Variants in FAM78B observed in about 807,000 individuals in gnomAD.
FAM78B encodes the protein family with sequence similarity 78 member B.
Under a neutral mutation model 20.0 loss-of-function variants are expected in FAM78B, and 10 were observed. That is an observed-to-expected ratio of 0.50 (90% CI 0.31 to 0.85). FAM78B has a LOEUF of 0.85. Ranked by LOEUF, FAM78B falls within the 40% of genes least tolerant of loss-of-function variation. FAM78B has a pLI of 0.05. For missense variants in FAM78B, 283 were observed against 345.0 expected (o/e 0.82, Z 1.42); for synonymous variants, 135 against 132.8 (o/e 1.02, Z -0.12).
chr1:166,077,784 AATAC>A (rs1652346787), intron 1 of FAM78B, among the ~76,000 whole-genome samples: 1 of 133,536 alleles, frequency 7.5e-6, no homozygotes, highest in African/African-American at 3.0e-5. Flanking sequence ...ATATATAATA[AATAC>A]ATATAATTAT....
At chr1:166,148,707 T>G (rs1571205245) in intron 1 of FAM78B, among the ~76,000 whole-genome samples, 1 of 152,206 alleles carries the variant, frequency 6.6e-6, no homozygotes. Flanking sequence ...GTGCTGTCAC[T>G]TTGAGCCAGG....
intron 1 of FAM78B, among the ~76,000 whole-genome samples, chr1:166,081,662 C>T (rs1652584530): frequency 6.6e-6 from 1 of 152,186 alleles, no homozygotes; most frequent in South Asian, 2.1e-4. Context: ...TCCCGAAGGT[C>T]ACAGCCCACC....
At chr1:166,126,508 A>G (rs1654648330) in intron 1 of FAM78B, among the ~76,000 whole-genome samples, 2 of 152,166 alleles carry the variant, frequency 1.3e-5, no homozygotes, top group South Asian at 2.1e-4. Flanking sequence ...TGAGAAGACG[A>G]TAACTGAGCA....
At chr1:166,074,677 C>T (rs1216908572) in intron 1 of FAM78B, among the ~76,000 whole-genome samples, 1 of 152,176 alleles carries the variant, frequency 6.6e-6, no homozygotes, top group Non-Finnish European at 1.5e-5. Context: ...AAAAATCTAA[C>T]ATCTATTCAT....
downstream of FAM78B, among the ~76,000 whole-genome samples, chr1:166,066,474 A>T (rs571110142): frequency 2.6e-5 from 4 of 152,174 alleles, no homozygotes; most frequent in Non-Finnish European, 5.9e-5. Flanking sequence ...GATGAACAGG[A>T]GAGGCAGAAC....
At chr1:166,120,341 T>G (rs2101767755) in intron 1 of FAM78B, among the ~76,000 whole-genome samples, 1 of 152,336 alleles carries the variant, frequency 6.6e-6, no homozygotes, top group Non-Finnish European at 1.5e-5. Context: ...TGTGCCTGTG[T>G]GCTTTCCATC....
intron 1 of FAM78B, among the ~76,000 whole-genome samples, chr1:166,101,064 T>G (rs1051907605): frequency 2.6e-5 from 4 of 152,234 alleles, no homozygotes; most frequent in Admixed American, 1.3e-4. Context: ...CCTCCGCTGC[T>G]GATACCCAGG....
chr1:166,133,525 G>GT (rs1209721017), intron 1 of FAM78B, among the ~76,000 whole-genome samples: 1 of 145,492 alleles, frequency 6.9e-6, no homozygotes, highest in Non-Finnish European at 1.5e-5. Flanking sequence ...CCACAAATGT[G>GT]TAACTGTTAA....
At chr1:166,142,885 G>A (rs190218522) in intron 1 of FAM78B, among the ~76,000 whole-genome samples, 126 of 152,316 alleles carry the variant, frequency 8.3e-4, no homozygotes, top group African/African-American at 2.8e-3. Flanking sequence ...GGCACAGGGT[G>A]CAAACATGAG....
chr1:166,075,373 A>C (rs934651658), intron 1 of FAM78B, among the ~76,000 whole-genome samples: 2 of 152,218 alleles, frequency 1.3e-5, no homozygotes, highest in Non-Finnish European at 2.9e-5. Flanking sequence ...GTTAGAGACA[A>C]AAGAATAAAT....
At chr1:166,093,750 C>A (rs1330612276) in intron 1 of FAM78B, among the ~76,000 whole-genome samples, 1 of 143,974 alleles carries the variant, frequency 6.9e-6, no homozygotes, top group Non-Finnish European at 1.5e-5. Flanking sequence ...ATGGGAAACA[C>A]TTTTTTTTTT....
At chr1:166,108,724 C>A (rs1653881916) in intron 1 of FAM78B, among the ~76,000 whole-genome samples, 1 of 152,078 alleles carries the variant, frequency 6.6e-6, no homozygotes, top group Non-Finnish European at 1.5e-5. Context: ...GCAAAAAGAA[C>A]AAATCTGGAG....
intron 1 of FAM78B, among the ~76,000 whole-genome samples, chr1:166,126,136 T>C (rs1654633159): frequency 6.6e-6 from 1 of 152,150 alleles, no homozygotes. Context: ...GCCCGGCCTA[T>C]TACTTTCAAT....
intron 1 of FAM78B, among the ~76,000 whole-genome samples, chr1:166,074,974 CTG>C (rs1652208772): frequency 6.6e-6 from 1 of 152,142 alleles, no homozygotes; most frequent in Non-Finnish European, 1.5e-5. Context: ...AGGTGGGAGT[CTG>C]TGTCACAGGC....
intron 1 of FAM78B, among the ~76,000 whole-genome samples, chr1:166,148,635 C>T (rs983627650): frequency 1.3e-5 from 2 of 152,222 alleles, no homozygotes; most frequent in African/African-American, 4.8e-5. Flanking sequence ...GGCAGGCGGG[C>T]AGCTGGGATG....
At chr1:166,126,217 G>C (rs1248157683) in intron 1 of FAM78B, among the ~76,000 whole-genome samples, 1 of 152,018 alleles carries the variant, frequency 6.6e-6, no homozygotes, top group Non-Finnish European at 1.5e-5. Flanking sequence ...TGGATACAGA[G>C]GGCTGACTGT....
chr1:166,131,582 T>A (rs1358929473), intron 1 of FAM78B, among the ~76,000 whole-genome samples: 2 of 152,098 alleles, frequency 1.3e-5, no homozygotes, highest in Admixed American at 1.3e-4. Flanking sequence ...AGACCTATCT[T>A]AGGGGGCTCT....
chr1:166,074,221 G>T (rs6665464), intron 1 of FAM78B, among the ~76,000 whole-genome samples: 18 of 152,022 alleles, frequency 1.2e-4, no homozygotes, highest in Non-Finnish European at 2.2e-4. Context: ...TCCATCATCT[G>T]GCCTCCCCAT....
At chr1:166,064,899 G>A (rs372221494), downstream of FAM78B, among the ~76,000 whole-genome samples, 14 of 152,314 alleles carry the variant, frequency 9.2e-5, no homozygotes, top group African/African-American at 3.4e-4. Context: ...AAAGTTAAAT[G>A]ATTTGTTCAA....
Sources: gnomAD v4.1 joint callset for allele counts (sites outside exome capture counted in the v4.1 genomes callset) on GRCh38, gnomAD v4.1.1 for gene constraint, MANE v1.5 for transcripts, NCBI Gene and HGNC (gene_info 2026-07-23, HGNC 2026-07-21) for gene names.